Variants in CDH18 observed in about 807,000 individuals in gnomAD.
CDH18 encodes cadherin 18, also known as cadherin-18.
In CDH18, 31 loss-of-function variants were observed where a neutral mutation model predicts 67.9. That is an observed-to-expected ratio of 0.46 (90% CI 0.34 to 0.62). CDH18 has a LOEUF of 0.62. CDH18 is among the 20% of genes least tolerant of loss of function. CDH18 has a pLI of 0.01. For synonymous variants in CDH18, 362 were observed against 347.2 expected, an observed-to-expected ratio of 1.04 and a Z score of -0.48; for missense variants, 890 against 975.5, an observed-to-expected ratio of 0.91 and a Z score of 1.17.
intron 4 of CDH18, among the ~76,000 whole-genome samples, chr5:19,731,916 C>T (rs1767649418): frequency 6.6e-6 from 1 of 151,508 alleles, no homozygotes; most frequent in African/African-American, 2.4e-5. Context: ...ATGGCAAAAC[C>T]CTGTTTCTAC....
At chr5:20,000,009 A>C (rs1736318291) in intron 2 of CDH18, among the ~76,000 whole-genome samples, 1 of 152,212 alleles carries the variant, frequency 6.6e-6, no homozygotes, top group Non-Finnish European at 1.5e-5. Context: ...TTAGGTATGT[A>C]GGATGACTGT....
chr5:19,910,051 CTGTTAA>C (rs897788680), intron 2 of CDH18, among the ~76,000 whole-genome samples: 9 of 152,226 alleles, frequency 5.9e-5, no homozygotes, highest in African/African-American at 2.2e-4. Flanking sequence ...TTTTTCTCTT[CTGTTAA>C]TGTTATCAGT....
chr5:20,183,680 A>G (rs1737871207), intron 2 of CDH18, among the ~76,000 whole-genome samples: 1 of 152,044 alleles, frequency 6.6e-6, no homozygotes, highest in South Asian at 2.1e-4. Context: ...CACATTTCAC[A>G]TGGATTCACT....
intron 2 of CDH18, among the ~76,000 whole-genome samples, chr5:20,215,187 T>A (rs944616292): frequency 6.6e-6 from 1 of 151,482 alleles, no homozygotes; most frequent in African/African-American, 2.4e-5. Context: ...TCAAAAAATA[T>A]CAGACTAGAG....
At chr5:20,409,507 T>G (rs1008436779) in intron 1 of CDH18, among the ~76,000 whole-genome samples, 2 of 151,788 alleles carry the variant, frequency 1.3e-5, no homozygotes, top group Admixed American at 6.6e-5. Flanking sequence ...CCTTATGAGA[T>G]GTTGTAAAAG....
chr5:19,663,834 G>A (rs1342405121), intron 5 of CDH18, among the ~76,000 whole-genome samples: 2 of 151,166 alleles, frequency 1.3e-5, no homozygotes, highest in African/African-American at 4.9e-5. Flanking sequence ...TTTCTTTGGG[G>A]AAAAGATTAT....
chr5:19,799,610 T>C (rs1280657387), intron 3 of CDH18, among the ~76,000 whole-genome samples: 1 of 152,142 alleles, frequency 6.6e-6, no homozygotes, highest in Non-Finnish European at 1.5e-5. Context: ...AATTTTTTTA[T>C]ATCTATTATA....
intron 3 of CDH18, among the ~76,000 whole-genome samples, chr5:19,837,443 C>A (rs1447361776): frequency 6.6e-6 from 1 of 151,708 alleles, no homozygotes; most frequent in Non-Finnish European, 1.5e-5. Context: ...AAGTTCATAA[C>A]CCAGGTAAAT....
At chr5:20,237,173 G>A (rs528229294) in intron 2 of CDH18, among the ~76,000 whole-genome samples, 21 of 151,918 alleles carry the variant, frequency 1.4e-4, no homozygotes, top group Admixed American at 2.0e-4. Flanking sequence ...GAGAACTACA[G>A]CAAACTGACA....
chr5:20,269,511 A>G (rs1463920372), intron 1 of CDH18, among the ~76,000 whole-genome samples: 2 of 152,162 alleles, frequency 1.3e-5, no homozygotes, highest in South Asian at 2.1e-4. Flanking sequence ...AAAATACGCT[A>G]TATATACACA....
At chr5:20,040,472 A>G (rs930317339) in intron 2 of CDH18, among the ~76,000 whole-genome samples, 1 of 152,156 alleles carries the variant, frequency 6.6e-6, no homozygotes, top group East Asian at 1.9e-4. Flanking sequence ...ATCAGAAAGT[A>G]AGCAAGATGT....
intron 3 of CDH18, among the ~76,000 whole-genome samples, chr5:19,753,476 G>A (rs1006443263): frequency 6.6e-6 from 1 of 152,126 alleles, no homozygotes; most frequent in Non-Finnish European, 1.5e-5. Flanking sequence ...AACAAAGACA[G>A]AAGAAAGAAT....
intron 1 of CDH18, among the ~76,000 whole-genome samples, chr5:20,259,063 A>G (rs1744454005): frequency 6.6e-6 from 1 of 152,196 alleles, no homozygotes. Context: ...TGCTGCAACA[A>G]ACGCCTAAAA....
At chr5:20,426,931 C>A (rs933340069) in intron 1 of CDH18, among the ~76,000 whole-genome samples, 5 of 150,830 alleles carry the variant, frequency 3.3e-5, no homozygotes, top group Non-Finnish European at 5.9e-5. Flanking sequence ...TCATTTTCTC[C>A]ATCTAAAAAT....
intron 3 of CDH18, among the ~76,000 whole-genome samples, chr5:19,823,843 A>T (rs1049103022): frequency 6.6e-6 from 1 of 152,180 alleles, no homozygotes. Flanking sequence ...GCAAGTCTCA[A>T]TCAATTCAAA....
At chr5:19,799,591 T>A (rs1777234297) in intron 3 of CDH18, among the ~76,000 whole-genome samples, 1 of 152,030 alleles carries the variant, frequency 6.6e-6, no homozygotes, top group Admixed American at 6.5e-5. Context: ...GTATACATTA[T>A]CTAGGAGTAA....
chr5:19,621,900 T>C (rs985538998), intron 5 of CDH18, among the ~76,000 whole-genome samples: 2 of 152,206 alleles, frequency 1.3e-5, no homozygotes, highest in Non-Finnish European at 2.9e-5. Flanking sequence ...GAATGGGACA[T>C]TATTTTTTGT....
intron 1 of CDH18, among the ~76,000 whole-genome samples, chr5:20,299,454 T>C (rs1476764626): frequency 1.4e-5 from 2 of 140,248 alleles, no homozygotes; most frequent in Non-Finnish European, 3.1e-5. Context: ...ACACACAAAA[T>C]GAGTCATTCC....
intron 2 of CDH18, among the ~76,000 whole-genome samples, chr5:19,941,051 TG>T (rs1275872644): frequency 6.6e-6 from 1 of 152,098 alleles, no homozygotes; most frequent in African/African-American, 2.4e-5. Context: ...CACGATTCTG[TG>T]TTGAAACCTA....
Sources: allele counts gnomAD v4.1 joint callset (sites outside exome capture counted in the v4.1 genomes callset), GRCh38; gene constraint gnomAD v4.1.1; transcripts MANE v1.5; gene names NCBI Gene and HGNC (gene_info 2026-07-23, HGNC 2026-07-21).